The following PPM1H variants were observed in gnomAD, a reference collection of about 807,000 sequenced individuals.
The protein encoded by PPM1H is protein phosphatase 1H.
Under a neutral mutation model 54.9 loss-of-function variants are expected in PPM1H, and 27 were observed. The ratio of observed to expected loss-of-function variants is 0.49; its 90% CI spans 0.36 to 0.68. PPM1H has a LOEUF of 0.68. PPM1H is among the 30% of genes least tolerant of loss of function. The probability of loss-of-function intolerance (pLI) is 0.00; values close to 1 mark genes in which losing one functional copy is unlikely to be tolerated. For synonymous variants in PPM1H, 305 were observed against 270.8 expected (o/e 1.13, Z -1.24); for missense variants, 596 against 667.8 (o/e 0.89, Z 1.19).
At chr12:62,696,774 G>C (rs1407639429) in intron 6 of PPM1H, among the ~76,000 whole-genome samples, 2 of 152,138 alleles carry the variant, frequency 1.3e-5, no homozygotes, top group Non-Finnish European at 2.9e-5. Flanking sequence ...TTACAGAGGA[G>C]AGAACTGAGC....
intron 2 of PPM1H, among the ~76,000 whole-genome samples, chr12:62,824,275 T>G (rs917006314): frequency 3.3e-5 from 5 of 152,144 alleles, no homozygotes; most frequent in African/African-American, 1.2e-4. Context: ...GGAAGAACAT[T>G]CCATGCTCAT....
intron 5 of PPM1H, among the ~76,000 whole-genome samples, chr12:62,735,328 C>T (rs1298959810): frequency 2.0e-5 from 3 of 152,048 alleles, no homozygotes; most frequent in South Asian, 2.1e-4. Flanking sequence ...CCTCCCACTT[C>T]GGCCTCCTGA....
At chr12:62,880,817 GC>G (rs1870366050) in intron 1 of PPM1H, among the ~76,000 whole-genome samples, 1 of 151,932 alleles carries the variant, frequency 6.6e-6, no homozygotes, top group Non-Finnish European at 1.5e-5. Flanking sequence ...CCAGGTGCTC[GC>G]CCTGCTACCC....
At chr12:62,724,022 G>C (rs1177066274) in intron 5 of PPM1H, among the ~76,000 whole-genome samples, 1 of 152,108 alleles carries the variant, frequency 6.6e-6, no homozygotes, top group Non-Finnish European at 1.5e-5. Flanking sequence ...GATTCCAGAG[G>C]GGCCCTGCAC....
chr12:62,769,790 G>C (rs2076567274), intron 4 of PPM1H, among the ~76,000 whole-genome samples: 1 of 150,964 alleles, frequency 6.6e-6, no homozygotes, highest in Non-Finnish European at 1.5e-5. Context: ...GAAACAGTCT[G>C]TGATCGGTGC....
intron 1 of PPM1H, among the ~76,000 whole-genome samples, chr12:62,905,970 C>T (rs1049741312): frequency 2.6e-5 from 4 of 152,146 alleles, no homozygotes; most frequent in Non-Finnish European, 5.9e-5. Context: ...GGGAGAAGCA[C>T]CATGCTTCAA....
intron 1 of PPM1H, among the ~76,000 whole-genome samples, chr12:62,857,823 T>C (rs1478488376): frequency 2.0e-5 from 3 of 152,188 alleles, no homozygotes; most frequent in African/African-American, 7.2e-5. Flanking sequence ...TATTATATTG[T>C]GCACATTATA....
Position 62,890,677 on chromosome 12 carries a change from T to C in PPM1H, c.245+43815A>G, listed in dbSNP as rs536648723. 2.6e-5 allele frequency among the ~76,000 whole-genome samples: 4 copies of C among 151,720 alleles called. No individual in the cohort carries two copies. In the South Asian group the frequency reaches 6.2e-4, roughly 24 times the overall value. On this transcript the variant is annotated intron_variant, in intron 1 of 9. Transcript: ENST00000228705. ...AAGTGATTAATGGAGTCAACACTTA[T>C]TGATTGGGAATATATATAATATCAT...
chr12:62,652,904 T>C (rs2075823760), intron 9 of PPM1H, among the ~76,000 whole-genome samples: 1 of 151,002 alleles, frequency 6.6e-6, no homozygotes, highest in Non-Finnish European at 1.5e-5. Context: ...ACATTTTTAG[T>C]AATTTTTTTA....
chr12:62,836,799 G>A (rs1241007143), intron 1 of PPM1H, among the ~76,000 whole-genome samples: 1 of 152,134 alleles, frequency 6.6e-6, no homozygotes, highest in Non-Finnish European at 1.5e-5. Context: ...ACTCTTAGAA[G>A]AACAAGACAC....
intron 1 of PPM1H, among the ~76,000 whole-genome samples, chr12:62,876,143 T>C (rs373479359): frequency 1.8e-4 from 28 of 152,184 alleles, no homozygotes; most frequent in African/African-American, 6.3e-4. Flanking sequence ...GATCTGATAA[T>C]CTGTACATGC....
intron 7 of PPM1H, among the ~76,000 whole-genome samples, chr12:62,690,764 G>A (rs1165634335): frequency 6.6e-6 from 1 of 152,134 alleles, no homozygotes; most frequent in Admixed American, 6.5e-5. Context: ...TTGAGGTCAG[G>A]AGTTTGAGAC....
intron 8 of PPM1H, among the ~76,000 whole-genome samples, chr12:62,683,838 C>T (rs1287713733): frequency 3.3e-5 from 5 of 152,116 alleles, no homozygotes; most frequent in Non-Finnish European, 5.9e-5. Context: ...AAGAAGAATC[C>T]TAGCTCTACG....
chr12:62,743,329 G>A (rs1009591517), intron 4 of PPM1H, among the ~76,000 whole-genome samples: 3 of 152,108 alleles, frequency 2.0e-5, no homozygotes, highest in African/African-American at 7.2e-5. Context: ...CGCCAGCCTA[G>A]GCAACAGATT....
At chr12:62,815,829 T>C (rs899530674) in intron 2 of PPM1H, among the ~76,000 whole-genome samples, 2 of 152,200 alleles carry the variant, frequency 1.3e-5, no homozygotes, top group African/African-American at 4.8e-5. Context: ...CAGGTATTCA[T>C]GCTTATCCAA....
At position 62,844,280 on chromosome 12, in the gene PPM1H, G is replaced by C. The variant is rs1868870713; in HGVS notation, c.246-12001C>G. Among the ~76,000 whole-genome samples, 1 of 152,184 alleles carries C rather than the reference G, an allele frequency of 6.6e-6. No individual in the cohort carries two copies. The highest frequency in any genetic ancestry group is 2.1e-4 in the South Asian group (1 of 4,828). The stretch of plus-strand genomic sequence containing the variant: ...AGCACTTTCTGTACAAAGCCAGTAT[G>C]TAACATTACAGTGATTTGCTTAGTA... On this transcript the variant is annotated intron_variant, in intron 1 of 9. Transcript: ENST00000228705. The surrounding 1 kb of genome is among the most constrained non-coding windows in gnomAD (Gnocchi z 5.2).
chr12:62,843,118 C>A lies in PPM1H; in HGVS notation c.246-10839G>T, dbSNP rs1221721351. 2.0e-5 allele frequency among the ~76,000 whole-genome samples: 3 copies of A among 152,186 alleles called. No homozygotes were observed. In the East Asian group the frequency reaches 5.8e-4, roughly 29 times the overall value. ...ATTGCTTGAGGTCAGGAGTTTGAGA[C>A]CAGTCTGACCAACATGGTGAAACCC... On this transcript the variant is annotated intron_variant, in intron 1 of 9. Transcript: ENST00000228705.
chr12:62,720,729 T>C, intron 5 of PPM1H: 1 of 169,624 alleles, frequency 5.9e-6, no homozygotes, highest in South Asian at 1.4e-4. Flanking sequence ...ACACAATGGC[T>C]TGAGTGCTGG....
chr12:62,779,658 G>C (rs1348112332), intron 4 of PPM1H, among the ~76,000 whole-genome samples: 1 of 152,164 alleles, frequency 6.6e-6, no homozygotes, highest in Non-Finnish European at 1.5e-5. Flanking sequence ...GAAAACATGA[G>C]ATTGGCTCAA....
Sources: gnomAD v4.1 joint callset for allele counts (sites outside exome capture counted in the v4.1 genomes callset) on GRCh38, gnomAD v4.1.1 for gene constraint, Gnocchi (gnomAD v3.1) non-coding constraint, MANE v1.5 for transcripts, NCBI Gene and HGNC (gene_info 2026-07-23, HGNC 2026-07-21) for gene names.